The following NXPH1 variants were observed in gnomAD, a reference collection of about 807,000 sequenced individuals.
The protein encoded by NXPH1 is neurexophilin 1.
In NXPH1, 5 loss-of-function variants were observed where a neutral mutation model predicts 23.7. The observed-to-expected ratio is 0.21, with a 90% CI of 0.11 to 0.44. NXPH1 has a LOEUF of 0.44. NXPH1 is among the 20% of genes least tolerant of loss of function. The probability of loss-of-function intolerance (pLI) is 0.99; values close to 1 mark genes in which losing one functional copy is unlikely to be tolerated. For synonymous variants in NXPH1, 144 were observed against 122.2 expected, an observed-to-expected ratio of 1.18 and a Z score of -1.18; for missense variants, 324 against 321.6, an observed-to-expected ratio of 1.01 and a Z score of -0.06.
At chr7:8,439,261 A>G (rs1255270528) in intron 2 of NXPH1, among the ~76,000 whole-genome samples, 1 of 152,170 alleles carries the variant, frequency 6.6e-6, no homozygotes, top group Non-Finnish European at 1.5e-5. Context: ...CTAGAAAAAT[A>G]TGGTTCCTTG....
At chr7:8,559,138 T>C (rs1818403155) in intron 2 of NXPH1, among the ~76,000 whole-genome samples, 1 of 151,590 alleles carries the variant, frequency 6.6e-6, no homozygotes, top group Non-Finnish European at 1.5e-5. Flanking sequence ...TTAAAAATTT[T>C]TTAGAGACAA....
intron 2 of NXPH1, among the ~76,000 whole-genome samples, chr7:8,533,572 T>C (rs1287028248): frequency 6.6e-6 from 1 of 152,166 alleles, no homozygotes; most frequent in Non-Finnish European, 1.5e-5. Flanking sequence ...GTATTGTTTA[T>C]GGTTATTTAT....
intron 2 of NXPH1, among the ~76,000 whole-genome samples, chr7:8,454,812 T>C (rs1584165587): frequency 6.6e-6 from 1 of 152,146 alleles, no homozygotes; most frequent in African/African-American, 2.4e-5. Flanking sequence ...TATGACACTC[T>C]TAGTGAATTA....
intron 2 of NXPH1, among the ~76,000 whole-genome samples, chr7:8,477,753 A>T (rs1233360399): frequency 6.6e-6 from 1 of 152,096 alleles, no homozygotes; most frequent in Non-Finnish European, 1.5e-5. Flanking sequence ...TGCCTTAAGG[A>T]AACATGCTTT....
intron 2 of NXPH1, among the ~76,000 whole-genome samples, chr7:8,552,353 T>A (rs1818292754): frequency 6.6e-6 from 1 of 151,438 alleles, no homozygotes; most frequent in Admixed American, 6.6e-5. Context: ...TTTGTTTGAA[T>A]GAAAATGGCT....
At chr7:8,486,249 T>C (rs1466313411) in intron 2 of NXPH1, among the ~76,000 whole-genome samples, 1 of 152,206 alleles carries the variant, frequency 6.6e-6, no homozygotes, top group Admixed American at 6.5e-5. Flanking sequence ...GTGCCTCTCC[T>C]GATGTAGGAA....
At chr7:8,552,133 A>C (rs76946505) in intron 2 of NXPH1, among the ~76,000 whole-genome samples, 6 of 149,984 alleles carry the variant, frequency 4.0e-5, no homozygotes, top group Non-Finnish European at 4.5e-5. Flanking sequence ...AAAAAAAAAA[A>C]AAAAAAAAAC....
intron 2 of NXPH1, among the ~76,000 whole-genome samples, chr7:8,603,652 T>C (rs1432990172): frequency 6.6e-6 from 1 of 152,222 alleles, no homozygotes; most frequent in African/African-American, 2.4e-5. Context: ...TTGGATAGAA[T>C]ATAATTTTAC....
At chr7:8,734,680 T>G (rs1780218113) in intron 2 of NXPH1, among the ~76,000 whole-genome samples, 1 of 152,146 alleles carries the variant, frequency 6.6e-6, no homozygotes, top group East Asian at 1.9e-4. Flanking sequence ...TGATTTGGGG[T>G]GGAGAGTTCT....
At chr7:8,438,223 G>A (rs1243455406) in intron 2 of NXPH1, among the ~76,000 whole-genome samples, 2 of 152,216 alleles carry the variant, frequency 1.3e-5, no homozygotes, top group African/African-American at 2.4e-5. Context: ...CGATCAAGAA[G>A]TGATCAAGGC....
At chr7:8,564,738 AT>A (rs34483883) in intron 2 of NXPH1, among the ~76,000 whole-genome samples, 166 of 151,932 alleles carry the variant, frequency 1.1e-3, no homozygotes, top group Non-Finnish European at 2.0e-3. Context: ...AGTGTGGTCC[AT>A]TTCTTTCTTA....
chr7:8,546,291 G>A (rs974925120), intron 2 of NXPH1, among the ~76,000 whole-genome samples: 9 of 151,386 alleles, frequency 5.9e-5, no homozygotes, highest in African/African-American at 2.2e-4. Flanking sequence ...CTGAGTTCGG[G>A]AGAGAAAGTC....
chr7:8,496,568 G>A (rs983513320), intron 2 of NXPH1, among the ~76,000 whole-genome samples: 2 of 152,014 alleles, frequency 1.3e-5, no homozygotes, highest in Non-Finnish European at 2.9e-5. Flanking sequence ...TGTGTCATGA[G>A]TACTTGAAAA....
At chr7:8,620,696 G>A (rs868561851) in intron 2 of NXPH1, among the ~76,000 whole-genome samples, 15 of 152,250 alleles carry the variant, frequency 9.9e-5, no homozygotes, top group South Asian at 2.1e-4. Flanking sequence ...CTAATTCTAC[G>A]CTTTAGAATT....
intron 2 of NXPH1, among the ~76,000 whole-genome samples, chr7:8,638,169 C>G (rs919712131): frequency 1.3e-5 from 2 of 152,138 alleles, no homozygotes; most frequent in African/African-American, 2.4e-5. Flanking sequence ...CAAACACGAG[C>G]TAGGAAAACA....
At chr7:8,467,333 G>A (rs1816802372) in intron 2 of NXPH1, among the ~76,000 whole-genome samples, 1 of 152,134 alleles carries the variant, frequency 6.6e-6, no homozygotes, top group Non-Finnish European at 1.5e-5. Context: ...AGGTGATGAA[G>A]CCTCTTCTGG....
At chr7:8,705,771 C>T (rs1190531059) in intron 2 of NXPH1, among the ~76,000 whole-genome samples, 1 of 152,144 alleles carries the variant, frequency 6.6e-6, no homozygotes, top group African/African-American at 2.4e-5. Flanking sequence ...CTAGCAAGAT[C>T]ATCAGTGTAT....
intron 2 of NXPH1, among the ~76,000 whole-genome samples, chr7:8,699,652 T>C (rs1779590530): frequency 6.6e-6 from 1 of 152,202 alleles, no homozygotes; most frequent in African/African-American, 2.4e-5. Flanking sequence ...TTGTGTACTA[T>C]ATCAAAGAGT....
At chr7:8,471,033 T>G (rs916898654) in intron 2 of NXPH1, among the ~76,000 whole-genome samples, 3 of 152,112 alleles carry the variant, frequency 2.0e-5, no homozygotes, top group Non-Finnish European at 4.4e-5. Flanking sequence ...TTCATTTTTT[T>G]GGGTGATTGG....
Sources: allele counts gnomAD v4.1 joint callset (sites outside exome capture counted in the v4.1 genomes callset), GRCh38; gene constraint gnomAD v4.1.1; transcripts MANE v1.5; gene names NCBI Gene and HGNC (gene_info 2026-07-23, HGNC 2026-07-21).